BRI3: variants seen among roughly 807,000 people sequenced by gnomAD.
BRI3 encodes brain protein I3, also known as membrane protein BRI3.
BRI3 carries 6 observed loss-of-function variants against 12.8 expected under a neutral mutation model. The ratio of observed to expected loss-of-function variants is 0.47; its 90% CI spans 0.26 to 0.93. The LOEUF is 0.93. Ranked by LOEUF, BRI3 falls within the 40% of genes least tolerant of loss-of-function variation. The pLI is 0.15. For missense variants in BRI3, 134 were observed against 171.1 expected (o/e 0.78, Z 1.21); for synonymous variants, 91 against 76.1 (o/e 1.20, Z -1.02).
intron 2 of BRI3, among the ~76,000 whole-genome samples, chr7:98,290,624 A>T (rs1197078334): frequency 6.6e-6 from 1 of 151,772 alleles, no homozygotes; most frequent in Non-Finnish European, 1.5e-5. Context: ...TCAGCCTCCC[A>T]AGTAGCCGGG....
At chr7:98,296,360 T>C (rs1326448227), downstream of BRI3, among the ~76,000 whole-genome samples, 2 of 152,230 alleles carry the variant, frequency 1.3e-5, no homozygotes, top group Non-Finnish European at 2.9e-5. Flanking sequence ...GGACAGTGGC[T>C]CATGCCTGTA....
chr7:98,315,263 A>AG (rs1801030502), downstream of BRI3, among the ~76,000 whole-genome samples: 1 of 151,772 alleles, frequency 6.6e-6, no homozygotes, highest in Non-Finnish European at 1.5e-5. Context: ...CTGGGACTAC[A>AG]GGCACATGCT....
chr7:98,286,299 C>G (rs911434548), intron 2 of BRI3, among the ~76,000 whole-genome samples: 1 of 152,224 alleles, frequency 6.6e-6, no homozygotes, highest in African/African-American at 2.4e-5. Flanking sequence ...GCCCCGCGGC[C>G]TCTACTGTCC....
At chr7:98,289,136 T>G (rs4075057) in intron 2 of BRI3, among the ~76,000 whole-genome samples, 61,065 of 151,850 alleles carry the variant, frequency 0.4, 13,393 homozygotes, top group Middle Eastern at 0.54. Flanking sequence ...TTCTGTATTT[T>G]TAGTAGAAAC....
intron 1 of BRI3, chr7:98,307,034 T>C (rs536387039): frequency 3.8e-5 from 6 of 159,992 alleles, no homozygotes; most frequent in East Asian, 1.8e-4. Flanking sequence ...ATTAAGAGGA[T>C]TGCATTCAAA....
At chr7:98,298,066 G>GT (rs1800263071) in intron 1 of BRI3, among the ~76,000 whole-genome samples, 1 of 152,020 alleles carries the variant, frequency 6.6e-6, no homozygotes, top group Non-Finnish European at 1.5e-5. Flanking sequence ...TCTTATCATT[G>GT]TTAATAAAAA....
At chr7:98,310,474 G>A (rs377479272), downstream of BRI3, 81 of 1,600,306 alleles carry the variant, frequency 5.1e-5, no homozygotes, top group Admixed American at 7.4e-4. Flanking sequence ...TTGTGAATTC[G>A]GGGCAGCCGT....
At chr7:98,286,924 G>A (rs1025462944) in intron 2 of BRI3, among the ~76,000 whole-genome samples, 10 of 152,250 alleles carry the variant, frequency 6.6e-5, no homozygotes, top group African/African-American at 2.2e-4. Flanking sequence ...GCCTCTTGGC[G>A]TTTGAAGTTG....
exon 2 of BRI3, chr7:98,308,065 C>G (rs1402607674): frequency 4.1e-6 from 3 of 736,502 alleles, no homozygotes; most frequent in Admixed American, 4.0e-5. Context: ...CCAGAAGGAA[C>G]AGGGACTGTT....
intron 1 of BRI3, 61 bp from the exon 2 acceptor site, chr7:98,282,290 G>C: frequency 7.2e-7 from 1 of 1,382,776 alleles, no homozygotes; most frequent in Non-Finnish European, 1.0e-6. Flanking sequence ...AGGATGAGTA[G>C]TCCCCGTGGC....
chr7:98,306,481 A>G, upstream of BRI3: 4 of 1,614,130 alleles, frequency 2.5e-6, no homozygotes, highest in Non-Finnish European at 3.4e-6. Context: ...ATTTTCTTCC[A>G]GCAACTTCGT....
chr7:98,309,638 ACT>A (rs769231025), exon 2 of BRI3: 1 of 151,834 alleles, frequency 6.6e-6, no homozygotes, highest in African/African-American at 2.4e-5. Flanking sequence ...ATTCTGGAAA[ACT>A]CTGTTCTTTT....
At chr7:98,306,301 C>T (rs111919043), upstream of BRI3, 7 of 1,032,608 alleles carry the variant, frequency 6.8e-6, no homozygotes, top group East Asian at 7.3e-5. Flanking sequence ...CACTGTGAGC[C>T]GCGGTCTCAT....
chr7:98,282,427 G>A lies in BRI3; in HGVS notation c.219G>A (p.Val73=). 6.2e-7 allele frequency: 1 copy of A among 1,614,026 alleles called. No homozygotes were observed. The highest frequency in any genetic ancestry group is 8.5e-7 in the Non-Finnish European group (1 of 1,179,962). Reference sequence around the variant, plus strand: ...CCCGCTATCCTGCCAACTCTATCGTGGTCGTAGGAGGCTGTCCTGTCTGCA... The same window carrying A: ...CCCGCTATCCTGCCAACTCTATCGTAGTCGTAGGAGGCTGTCCTGTCTGCA... ...TVTRYPANSI[V]VVGGCPVCRV... is the part of the protein sequence containing the mutation. The change falls in exon 2 of 3, where the codon GTG becomes GTA. Residue 73 remains valine (V), a synonymous_variant. Coordinates refer to ENST00000297290, the MANE Select transcript of BRI3 (RefSeq NM_015379.5).
chr7:98,304,117 C>G (rs1011138130), upstream of BRI3: 1 of 1,407,330 alleles, frequency 7.1e-7, no homozygotes, highest in South Asian at 1.5e-5. Flanking sequence ...CAGAGCAAGG[C>G]GGTCACCACA....
chr7:98,294,125 A>C, downstream of BRI3: 5 of 1,613,136 alleles, frequency 3.1e-6, no homozygotes, highest in Non-Finnish European at 4.2e-6. Flanking sequence ...TGAGAAAGAT[A>C]AAGAAGTTTA....
the BRI3 span, chr7:98,317,172 C>T: frequency 6.2e-7 from 1 of 1,612,744 alleles, no homozygotes; most frequent in South Asian, 1.1e-5. Flanking sequence ...TTAAACTGTG[C>T]AAATTGTCAA....
At chr7:98,294,028 A>G (rs1584407997), downstream of BRI3, 1 of 1,603,484 alleles carries the variant, frequency 6.2e-7, no homozygotes, top group South Asian at 1.1e-5. Context: ...CACTACAGGG[A>G]AGAGCAATGT....
downstream of BRI3, chr7:98,292,561 T>TA: frequency 7.2e-7 from 1 of 1,381,278 alleles, no homozygotes; most frequent in East Asian, 2.5e-5. Context: ...AGCCAGTGCG[T>TA]AGTCCTCACA....
Sources: gnomAD v4.1 joint callset for allele counts (sites outside exome capture counted in the v4.1 genomes callset) on GRCh38, gnomAD v4.1.1 for gene constraint, MANE v1.5 for transcripts, NCBI Gene and HGNC (gene_info 2026-07-23, HGNC 2026-07-21) for gene names.